MAX: variants seen among roughly 807,000 people sequenced by gnomAD.
The protein encoded by MAX is MYC associated transcriptional regulator X.
MAX carries 3 observed loss-of-function variants against 22.3 expected under a neutral mutation model. The observed-to-expected ratio is 0.13, with a 90% CI of 0.06 to 0.35. MAX has a LOEUF of 0.35. Ranked by LOEUF, MAX falls within the 10% of genes least tolerant of loss-of-function variation. MAX has a pLI of 1.00. For missense variants in MAX, 119 were observed against 209.4 expected (o/e 0.57, Z 2.66); for synonymous variants, 72 against 77.7 (o/e 0.93, Z 0.39).
At chr14:65,036,199 A>G (rs2062189053) in intron 3 of MAX, among the ~76,000 whole-genome samples, 2 of 152,078 alleles carry the variant, frequency 1.3e-5, no homozygotes, top group African/African-American at 2.4e-5. Flanking sequence ...GTTTCCTTAT[A>G]TGTCAAGTGG....
At chr14:65,089,195 G>A (rs1595154414) in intron 3 of MAX, among the ~76,000 whole-genome samples, 1 of 152,158 alleles carries the variant, frequency 6.6e-6, no homozygotes, top group Non-Finnish European at 1.5e-5. Context: ...GGCTGAGCAA[G>A]CCTGCTGTTT....
At chr14:65,099,430 G>A (rs2063763806) in intron 2 of MAX, among the ~76,000 whole-genome samples, 2 of 150,544 alleles carry the variant, frequency 1.3e-5, no homozygotes, top group Admixed American at 6.6e-5. Flanking sequence ...CAGGAAAGCA[G>A]AAACATTATA....
chr14:65,091,496 TC>T (rs1266665965), intron 3 of MAX, among the ~76,000 whole-genome samples: 1 of 152,214 alleles, frequency 6.6e-6, no homozygotes, highest in African/African-American at 2.4e-5. Context: ...TCTCTCCTAG[TC>T]CTGCTACTTT....
chr14:65,036,767 C>T (rs1223556037), intron 3 of MAX, among the ~76,000 whole-genome samples: 4 of 151,982 alleles, frequency 2.6e-5, no homozygotes, highest in Non-Finnish European at 5.9e-5. Context: ...AATCTCAGCT[C>T]ACTGCAACCT....
At chr14:65,100,514 C>T (rs575861714) in intron 2 of MAX, among the ~76,000 whole-genome samples, 134 of 152,236 alleles carry the variant, frequency 8.8e-4, no homozygotes, top group African/African-American at 2.9e-3. Context: ...TTCACTCCTA[C>T]TAACAAACCA....
At position 65,047,094 on chromosome 14, in the gene MAX, G is replaced by A. The variant is rs927971685; in HGVS notation, c.172-40810C>T. 2.6e-5 allele frequency among the ~76,000 whole-genome samples: 4 copies of A among 152,206 alleles called. No individual in the cohort carries two copies. The highest frequency in any genetic ancestry group is 4.4e-5 in the Non-Finnish European group (3 of 68,042). ...AACAGGCAAAGGATCTGAAGAAAGA[G>A]GTCCCAGTGAAAGAACTGTCCTTCT... On this transcript the variant is annotated intron_variant, in intron 3 of 3. Coordinates refer to the MAX transcript ENST00000341653. This position sits in a 1 kb window ranked among gnomAD's most constrained non-coding sequence, Gnocchi z 5.2.
Position 65,040,400 on chromosome 14 carries a change from T to A in MAX, c.172-34116A>T, listed in dbSNP as rs572665744. Among the ~76,000 whole-genome samples, 75 of 151,674 alleles carry A rather than the reference T, an allele frequency of 4.9e-4. 4 individuals are homozygous for A. The South Asian group carries it at 9.8e-3, about 20-fold the overall frequency. On this transcript the variant is annotated intron_variant, in intron 3 of 3. Coordinates refer to the MAX transcript ENST00000341653. ...TATTATGTTTCTTACACAAGTAGGC[T>A]GTTTCTAAGTGTCTGGGTTTTTAAC...
chr14:65,027,368 G>T lies in MAX; in HGVS notation c.172-21084C>A. On this transcript the variant is annotated intron_variant, in intron 3 of 3. Transcript: ENST00000341653. The surrounding 1 kb of genome is among the most constrained non-coding windows in gnomAD (Gnocchi z 5.7). Reference sequence around the variant, plus strand: ...ACTTTTGAGGGAGTGGGGGATCATTGGAAAGGCCTGGAATCTAGTGGGAAT... The same window carrying T: ...ACTTTTGAGGGAGTGGGGGATCATTTGAAAGGCCTGGAATCTAGTGGGAAT... 6.4e-7 allele frequency: 1 copy of T among 1,567,378 alleles called. No individual in the cohort carries two copies.
At position 65,078,684 on chromosome 14, in the gene MAX, G is replaced by A. The variant is rs927793688; in HGVS notation, c.172-648C>T. ...AGCTGGGATTACAAGTACATGCCAC[G>A]TTGCCTGGCTAATTTTTACATTTTT... On this transcript the variant is annotated intron_variant, in intron 3 of 4. Coordinates refer to ENST00000358664, the MANE Select transcript of MAX (RefSeq NM_002382.5). The surrounding 1 kb of genome is among the most constrained non-coding windows in gnomAD (Gnocchi z 6.4). Among the ~76,000 whole-genome samples the A allele has an allele frequency of 2.6e-5, 4 of 151,716 alleles. No homozygotes were observed. The highest frequency in any genetic ancestry group is 6.6e-5 in the Admixed American group (1 of 15,228).
At chr14:65,033,449 TAAC>T (rs2062124951) in intron 3 of MAX, among the ~76,000 whole-genome samples, 1 of 152,242 alleles carries the variant, frequency 6.6e-6, no homozygotes, top group African/African-American at 2.4e-5. Flanking sequence ...CTGTAATAGT[TAAC>T]AACAACAAAG....
At chr14:65,040,958 G>A (rs184424696) in intron 3 of MAX, 1 of 1,605,338 alleles carries the variant, frequency 6.2e-7, no homozygotes, top group Admixed American at 1.7e-5. Flanking sequence ...CAGGCCCCAG[G>A]TCATGGTGAT....
chr14:65,008,474 G>A (rs1239026292), intron 3 of MAX, among the ~76,000 whole-genome samples: 2 of 152,210 alleles, frequency 1.3e-5, no homozygotes, highest in Non-Finnish European at 2.9e-5. Flanking sequence ...GGGGGAGGTG[G>A]ACATTAAACA....
chr14:65,093,412 T>TTA lies in MAX; in HGVS notation c.171+294_171+295dup, dbSNP rs1310121011. 1 of 399,210 alleles carries TTA rather than the reference T, an allele frequency of 2.5e-6. No individual in the cohort carries two copies. The highest frequency in any genetic ancestry group is 2.1e-5 in the African/African-American group (1 of 48,762). 24.7% of individuals were successfully genotyped at this position (399,210 alleles called of 1,614,324 possible). A position where few individuals can be genotyped will look rare whatever the true frequency, so the allele number is the denominator to read the frequency against. On this transcript the variant is annotated intron_variant, in intron 3 of 4. Transcript: ENST00000358664. The surrounding 1 kb of genome is among the most constrained non-coding windows in gnomAD (Gnocchi z 4.4). ...TCCCAAACGAACTCTTGGCCACTCT[T>TTA]TATACTATAGTGTATAGTTATAATT... is the stretch of plus-strand genomic sequence containing the variant.
intron 3 of MAX, among the ~76,000 whole-genome samples, chr14:65,037,402 C>CTTTTTTTTTTTTTTTTTTTTTTTT (rs765037575): frequency 4.8e-4 from 7 of 14,536 alleles, no homozygotes; most frequent in Admixed American, 7.1e-4. Context: ...CACGCCGGGC[C>CTTTTTTTTTTTTTTTTTTTTTTTT]CTTTTTTTTT....
chr14:65,026,985 G>T (rs2061994461), intron 3 of MAX, among the ~76,000 whole-genome samples: 1 of 152,184 alleles, frequency 6.6e-6, no homozygotes, highest in South Asian at 2.1e-4. Flanking sequence ...ATAGGCCTAG[G>T]TGATGGATCC....
At chr14:65,041,548 C>T (rs1156757648) in intron 3 of MAX, among the ~76,000 whole-genome samples, 2 of 152,190 alleles carry the variant, frequency 1.3e-5, no homozygotes, top group Non-Finnish European at 2.9e-5. Flanking sequence ...ATTTGGGGAG[C>T]ATGTACCCCC....
At chr14:65,034,971 T>C (rs1277026475) in intron 3 of MAX, among the ~76,000 whole-genome samples, 1 of 152,246 alleles carries the variant, frequency 6.6e-6, no homozygotes, top group Non-Finnish European at 1.5e-5. Context: ...AGACTCAAGC[T>C]ACAAACTGTC....
intron 3 of MAX, among the ~76,000 whole-genome samples, chr14:65,081,439 C>T (rs2063197155): frequency 6.6e-6 from 1 of 152,184 alleles, no homozygotes; most frequent in African/African-American, 2.4e-5. Context: ...TGGCCAAACA[C>T]AGGATGAAGG....
rs539001324 is a variant in MAX, at chr14:65,062,894, C to T, written c.171+30814G>A. ...CCTGGGGTAATTCGGTATGCTATGTCCCAGCCCTCCACACACTGCACTTCA... is the reference window on the plus strand; with the variant it reads ...CCTGGGGTAATTCGGTATGCTATGTTCCAGCCCTCCACACACTGCACTTCA... On this transcript the variant is annotated intron_variant, in intron 3 of 3. Transcript: ENST00000341653. This position sits in a 1 kb window ranked among gnomAD's most constrained non-coding sequence, Gnocchi z 4.3. Among the ~76,000 whole-genome samples the T allele has an allele frequency of 8.5e-5, 13 of 152,310 alleles. No homozygotes were observed. The highest frequency in any genetic ancestry group is 3.1e-4 in the African/African-American group (13 of 41,576).
Sources: gnomAD v4.1 joint callset for allele counts (sites outside exome capture counted in the v4.1 genomes callset) on GRCh38, gnomAD v4.1.1 for gene constraint, Gnocchi (gnomAD v3.1) non-coding constraint, MANE v1.5 for transcripts, NCBI Gene and HGNC (gene_info 2026-07-23, HGNC 2026-07-21) for gene names.